The following GALNTL6 variants were observed in gnomAD, a reference collection of about 807,000 sequenced individuals.
The protein encoded by GALNTL6 is polypeptide N-acetylgalactosaminyltransferase like 6.
Under a neutral mutation model 73.7 loss-of-function variants are expected in GALNTL6, and 46 were observed. The observed-to-expected ratio is 0.62, with a 90% CI of 0.49 to 0.80. The LOEUF is 0.80. Ranked by LOEUF, GALNTL6 falls within the 30% of genes least tolerant of loss-of-function variation. The pLI is 0.00. For synonymous variants in GALNTL6, 259 were observed against 263.7 expected (o/e 0.98, Z 0.17); for missense variants, 604 against 755.0 (o/e 0.80, Z 2.34).
At chr4:172,924,643 T>C (rs1220772131) in intron 8 of GALNTL6, among the ~76,000 whole-genome samples, 1 of 152,024 alleles carries the variant, frequency 6.6e-6, no homozygotes, top group African/African-American at 2.4e-5. Context: ...AGAAAACAAC[T>C]GATGGCAGCA....
At chr4:172,425,887 G>A (rs944886641) in intron 5 of GALNTL6, among the ~76,000 whole-genome samples, 2 of 151,934 alleles carry the variant, frequency 1.3e-5, no homozygotes, top group Non-Finnish European at 2.9e-5. Flanking sequence ...TCTGGAGTAG[G>A]CAAAGTTGTG....
chr4:172,848,173 T>G lies in GALNTL6; in HGVS notation c.923+34450T>G, dbSNP rs180991909. On this transcript the variant is annotated intron_variant, in intron 7 of 12. Coordinates refer to ENST00000506823, the MANE Select transcript of GALNTL6 (RefSeq NM_001034845.3). ...AAATCATCTCAAAAGTTATGACCTA[T>G]GTCTCGTGTACATGACCCTGAAAAC... Among the ~76,000 whole-genome samples, 5 of 152,330 alleles carry G rather than the reference T, an allele frequency of 3.3e-5. No individual in the cohort carries two copies. The East Asian group carries it at 9.7e-4, about 29-fold the overall frequency.
intron 5 of GALNTL6, among the ~76,000 whole-genome samples, chr4:172,639,392 C>A (rs1426878547): frequency 1.3e-5 from 2 of 152,042 alleles, no homozygotes; most frequent in Non-Finnish European, 2.9e-5. Context: ...TACCCCTTGC[C>A]TATATCCTCA....
chr4:172,465,829 A>G (rs1295963641), intron 5 of GALNTL6, among the ~76,000 whole-genome samples: 1 of 152,214 alleles, frequency 6.6e-6, no homozygotes, highest in Non-Finnish European at 1.5e-5. Context: ...CACCTTTTAT[A>G]AAAAATGTCC....
At chr4:172,995,862 T>C (rs1029353309) in intron 10 of GALNTL6, among the ~76,000 whole-genome samples, 1 of 152,228 alleles carries the variant, frequency 6.6e-6, no homozygotes, top group Admixed American at 6.5e-5. Context: ...ACCTGAGTTT[T>C]CAAAAACCCT....
At chr4:172,689,232 T>C (rs1579341318) in intron 5 of GALNTL6, among the ~76,000 whole-genome samples, 2 of 152,324 alleles carry the variant, frequency 1.3e-5, no homozygotes, top group Middle Eastern at 3.4e-3. Context: ...GTAATAGAGT[T>C]ATTATTAATA....
intron 4 of GALNTL6, among the ~76,000 whole-genome samples, chr4:172,329,229 C>T (rs1304149712): frequency 6.6e-6 from 1 of 152,200 alleles, no homozygotes; most frequent in African/African-American, 2.4e-5. Flanking sequence ...AAGATGGCAA[C>T]CTGTTCCTCT....
At chr4:172,735,105 A>C (rs1736384255) in intron 5 of GALNTL6, among the ~76,000 whole-genome samples, 1 of 152,152 alleles carries the variant, frequency 6.6e-6, no homozygotes, top group Non-Finnish European at 1.5e-5. Context: ...TATGAGAAGA[A>C]GGCCACCATC....
intron 5 of GALNTL6, among the ~76,000 whole-genome samples, chr4:172,654,876 T>C (rs142057111): frequency 6.6e-6 from 1 of 152,342 alleles, no homozygotes; most frequent in Admixed American, 6.5e-5. Context: ...CTGTTGCAAA[T>C]ACTTTGTAGT....
chr4:172,693,995 C>T (rs1733489570), intron 5 of GALNTL6, among the ~76,000 whole-genome samples: 1 of 152,136 alleles, frequency 6.6e-6, no homozygotes, highest in Admixed American at 6.5e-5. Flanking sequence ...ATGACACAGA[C>T]ATATCATTTA....
intron 3 of GALNTL6, among the ~76,000 whole-genome samples, chr4:172,261,105 G>C (rs561645423): frequency 5.3e-5 from 8 of 151,120 alleles, no homozygotes; most frequent in East Asian, 1.9e-4. Context: ...TATTATATTA[G>C]ATTGACTTGC....
At chr4:172,351,441 T>G (rs1741942469) in intron 5 of GALNTL6, among the ~76,000 whole-genome samples, 1 of 152,152 alleles carries the variant, frequency 6.6e-6, no homozygotes, top group Non-Finnish European at 1.5e-5. Flanking sequence ...TCTATCTAAA[T>G]TATATGCATG....
chr4:172,810,105 C>G (rs1741205128), intron 6 of GALNTL6, among the ~76,000 whole-genome samples: 1 of 152,290 alleles, frequency 6.6e-6, no homozygotes, highest in South Asian at 2.1e-4. Context: ...TCCTATAGCC[C>G]TAAATATACA....
intron 2 of GALNTL6, among the ~76,000 whole-genome samples, chr4:172,072,471 C>A (rs980616204): frequency 1.3e-5 from 2 of 152,122 alleles, no homozygotes; most frequent in Non-Finnish European, 2.9e-5. Context: ...TAACGCCTCA[C>A]CTTGAACTAC....
At chr4:172,729,842 T>G (rs1176439244) in intron 5 of GALNTL6, among the ~76,000 whole-genome samples, 1 of 152,188 alleles carries the variant, frequency 6.6e-6, no homozygotes, top group Non-Finnish European at 1.5e-5. Flanking sequence ...CTTATCAATA[T>G]TAATTGTTCC....
intron 2 of GALNTL6, among the ~76,000 whole-genome samples, chr4:172,219,657 A>G (rs1736610050): frequency 6.6e-6 from 1 of 151,864 alleles, no homozygotes; most frequent in African/African-American, 2.4e-5. Context: ...CTGGTATTTG[A>G]AATAATTAGC....
intron 7 of GALNTL6, among the ~76,000 whole-genome samples, chr4:172,875,027 G>A (rs1745121331): frequency 6.6e-6 from 1 of 152,148 alleles, no homozygotes; most frequent in Admixed American, 6.5e-5. Context: ...ACCATAGCAA[G>A]GTGACTTAAT....
rs1302142501 is a variant in GALNTL6 at position 172,199,155 on chromosome 4, C to T, written c.139-30501C>T. ...GAAAAAAGAGGTCCCATAGAGTAAGCATTTCATCAGTGTTTGTTGAGCAAA... is the reference window on the plus strand; with the variant it reads ...GAAAAAAGAGGTCCCATAGAGTAAGTATTTCATCAGTGTTTGTTGAGCAAA... On this transcript the variant is annotated intron_variant, in intron 2 of 12. Transcript: ENST00000506823. Among the ~76,000 whole-genome samples the T allele has an allele frequency of 3.3e-5, 5 of 152,272 alleles. No homozygotes were observed. The East Asian group carries it at 5.8e-4, about 18-fold the overall frequency.
chr4:172,080,429 G>A (rs1018636578), intron 2 of GALNTL6, among the ~76,000 whole-genome samples: 28 of 152,068 alleles, frequency 1.8e-4, no homozygotes, highest in Non-Finnish European at 4.1e-4. Context: ...TTCCCAAAGT[G>A]CTGCAATTAC....
Sources: allele counts gnomAD v4.1 joint callset (sites outside exome capture counted in the v4.1 genomes callset), GRCh38; gene constraint gnomAD v4.1.1; transcripts MANE v1.5; gene names NCBI Gene and HGNC (gene_info 2026-07-23, HGNC 2026-07-21).